Variants in LOC128706666 observed in about 807,000 individuals in gnomAD.
the LOC128706666 span, among the ~76,000 whole-genome samples, chr20:10,427,570 A>G: frequency 6.6e-6 from 1 of 152,204 alleles, no homozygotes; most frequent in Non-Finnish European, 1.5e-5. Context: ...ATCAACATTC[A>G]AAAGTTATTT....
At chr20:10,416,635 G>T in the LOC128706666 span, among the ~76,000 whole-genome samples, 14 of 152,206 alleles carry the variant, frequency 9.2e-5, no homozygotes, top group Non-Finnish European at 1.9e-4. Context: ...CATTAATCTT[G>T]CTTTCCTTGT....
At chr20:10,418,054 T>C in the LOC128706666 span, among the ~76,000 whole-genome samples, 3 of 152,304 alleles carry the variant, frequency 2.0e-5, no homozygotes, top group East Asian at 3.9e-4. Flanking sequence ...AATATAAACA[T>C]GGCCTTGGGT....
the LOC128706666 span, among the ~76,000 whole-genome samples, chr20:10,433,435 G>GT: frequency 1.3e-5 from 2 of 152,170 alleles, no homozygotes; most frequent in Admixed American, 1.3e-4. Context: ...GGTCACTGCC[G>GT]TATCTACTAA....
At chr20:10,433,247 C>T in the LOC128706666 span, among the ~76,000 whole-genome samples, 2 of 152,236 alleles carry the variant, frequency 1.3e-5, no homozygotes, top group African/African-American at 4.8e-5. Context: ...TCAAGTGATC[C>T]GCCCGCCTCG....
At chr20:10,429,390 G>C in the LOC128706666 span, among the ~76,000 whole-genome samples, 1 of 152,054 alleles carries the variant, frequency 6.6e-6, no homozygotes, top group Non-Finnish European at 1.5e-5. Context: ...TTTCCTGGGC[G>C]GTCTCATTCA....
the LOC128706666 span, among the ~76,000 whole-genome samples, chr20:10,422,771 G>T: frequency 6.6e-6 from 1 of 151,194 alleles, no homozygotes; most frequent in East Asian, 1.9e-4. Flanking sequence ...TAGTGCAGTG[G>T]TGCGATCTCA....
At chr20:10,426,337 T>C in the LOC128706666 span, among the ~76,000 whole-genome samples, 1 of 152,168 alleles carries the variant, frequency 6.6e-6, no homozygotes, top group Non-Finnish European at 1.5e-5. Context: ...AGGGGAACAT[T>C]TGGAGGGCGT....
At chr20:10,428,219 C>CCCCT in the LOC128706666 span, among the ~76,000 whole-genome samples, 1 of 152,146 alleles carries the variant, frequency 6.6e-6, no homozygotes, top group African/African-American at 2.4e-5. Flanking sequence ...AGAATCCTGT[C>CCCCT]CCCTTTCACT....
chr20:10,427,976 A>G, the LOC128706666 span, among the ~76,000 whole-genome samples: 1 of 152,234 alleles, frequency 6.6e-6, no homozygotes, highest in Non-Finnish European at 1.5e-5. Flanking sequence ...CGAAACAGGT[A>G]TGCGTAAGTA....
the LOC128706666 span, among the ~76,000 whole-genome samples, chr20:10,416,222 A>G: frequency 1.3e-5 from 2 of 152,180 alleles, no homozygotes; most frequent in Admixed American, 6.5e-5. Flanking sequence ...CTTCTTCTAA[A>G]TTAAGAGGTG....
At chr20:10,418,962 C>T in the LOC128706666 span, among the ~76,000 whole-genome samples, 1 of 152,016 alleles carries the variant, frequency 6.6e-6, no homozygotes, top group South Asian at 2.1e-4. Context: ...AGTTGTTAAG[C>T]TTCTATGTTA....
the LOC128706666 span, among the ~76,000 whole-genome samples, chr20:10,428,526 T>C: frequency 2.0e-5 from 3 of 152,218 alleles, no homozygotes; most frequent in Non-Finnish European, 2.9e-5. Context: ...TCCCCTTATG[T>C]GCACCTTAGC....
the LOC128706666 span, among the ~76,000 whole-genome samples, chr20:10,428,211 A>AGTTGTT: frequency 6.6e-6 from 1 of 152,198 alleles, no homozygotes; most frequent in Admixed American, 6.5e-5. Flanking sequence ...GTTGTCTGAG[A>AGTTGTT]ATCCTGTCCC....
At chr20:10,423,019 C>A in the LOC128706666 span, among the ~76,000 whole-genome samples, 1 of 152,030 alleles carries the variant, frequency 6.6e-6, no homozygotes, top group African/African-American at 2.4e-5. Flanking sequence ...CCCTTCAAGT[C>A]ACATTACTTT....
At chr20:10,432,503 G>T in the LOC128706666 span, among the ~76,000 whole-genome samples, 1 of 152,136 alleles carries the variant, frequency 6.6e-6, no homozygotes, top group Non-Finnish European at 1.5e-5. Flanking sequence ...TTTAAAAATT[G>T]TGTAGTAGGC....
the LOC128706666 span, among the ~76,000 whole-genome samples, chr20:10,427,262 C>T: frequency 2.0e-5 from 3 of 152,134 alleles, no homozygotes; most frequent in East Asian, 1.9e-4. Context: ...CAAATGTTCT[C>T]ATTTTGCCTA....
chr20:10,428,623 G>C, the LOC128706666 span, among the ~76,000 whole-genome samples: 1 of 152,156 alleles, frequency 6.6e-6, no homozygotes, highest in East Asian at 1.9e-4. Flanking sequence ...TGGATCACTT[G>C]AGGTCAGGAT....
At chr20:10,415,691 CAT>C in the LOC128706666 span, among the ~76,000 whole-genome samples, 1 of 151,848 alleles carries the variant, frequency 6.6e-6, no homozygotes, top group Non-Finnish European at 1.5e-5. Context: ...TTAAAACTTA[CAT>C]ACACACCCCA....
the LOC128706666 span, among the ~76,000 whole-genome samples, chr20:10,426,725 A>T: frequency 6.6e-6 from 1 of 152,186 alleles, no homozygotes; most frequent in Non-Finnish European, 1.5e-5. Context: ...TTTTCATGTC[A>T]GGTATATAAA....
Sources: allele counts gnomAD v4.1 joint callset (sites outside exome capture counted in the v4.1 genomes callset), GRCh38; gene constraint gnomAD v4.1.1; transcripts MANE v1.5.